DHTKD1: variants seen among roughly 807,000 people sequenced by gnomAD.
The protein encoded by DHTKD1 is 2-oxoadipate dehydrogenase complex component E1.
Under a neutral mutation model 101.8 loss-of-function variants are expected in DHTKD1, and 78 were observed. The ratio of observed to expected loss-of-function variants is 0.77; its 90% CI spans 0.64 to 0.93. The LOEUF (loss-of-function observed/expected upper bound fraction) is 0.93, where lower values mean the gene tolerates loss of function less well. Among genes scored for constraint, DHTKD1 ranks in the 40% least tolerant of loss-of-function variants. The pLI is 0.00. For synonymous variants in DHTKD1, 462 were observed against 450.3 expected (o/e 1.03, Z -0.33); for missense variants, 1,223 against 1,161.7 (o/e 1.05, Z -0.77).
At chr10:12,091,746 C>A in intron 6 of DHTKD1, 62 bp downstream of exon 6, 1 of 1,419,770 alleles carries the variant, frequency 7.0e-7, no homozygotes, top group Non-Finnish European at 9.9e-7. Context: ...AGGGAAACCT[C>A]TGGTGCACAC....
At position 12,100,254 on chromosome 10, in the gene DHTKD1, T is replaced by C; in HGVS notation, c.1748T>C (p.Leu583Pro). 6.8e-7 allele frequency: 1 copy of C among 1,478,870 alleles called. No homozygotes were observed. The highest frequency in any genetic ancestry group is 9.2e-7 in the Non-Finnish European group (1 of 1,086,364). 91.6% of individuals were successfully genotyped at this position (1,478,870 alleles called of 1,614,324 possible). The change falls in exon 9 of 17, where the codon CTT becomes CCT. Residue 583 changes from leucine to proline, a missense_variant. By Grantham distance (98) the Leu-to-Pro change is moderately conservative. Coordinates refer to ENST00000263035, the MANE Select transcript of DHTKD1 (RefSeq NM_018706.7). ...GAAGCTCTTGCCTTGGGTTCTTTAC[T>C]TGCTCAAGGTAAGAATTTTCTTTTT... ...TAEALALGSL[L>P]AQGFNVRLSG...
Position 12,117,304 on chromosome 10 carries a change from C to CTTTT in DHTKD1, c.2320-348_2320-345dup, listed in dbSNP as rs71382683. ...GGATTACAGGCATGAGCCACGGCAC[C>CTTTT]TTTTTTTTTTTTTTTTTTTTTTTTA... On this transcript the variant is annotated intron_variant, in intron 13 of 16. Coordinates refer to ENST00000263035, the MANE Select transcript of DHTKD1 (RefSeq NM_018706.7). Among the ~76,000 whole-genome samples, 137 of 71,572 alleles carry CTTTT rather than the reference C, an allele frequency of 1.9e-3. 1 individual carries two copies. Among genetic ancestry groups the CTTTT allele is most frequent in the African/African-American group, 6.7e-3 (129 of 19,144 alleles). The allele number at this position is 71,572 out of a possible 152,430, so 47.0% of individuals were successfully genotyped here.
At chr10:12,118,385 C>CT (rs56119960) in intron 14 of DHTKD1, among the ~76,000 whole-genome samples, 124,097 of 137,566 alleles carry the variant, frequency 0.9, 56,263 homozygotes, top group East Asian at 0.99. Flanking sequence ...ACATAATTCT[C>CT]TTTTTTTTTT....
rs545943987 is a variant in DHTKD1 at position 12,118,468 on chromosome 10, C to T, written c.2403-281C>T. 1.2e-4 allele frequency among the ~76,000 whole-genome samples: 18 copies of T among 151,558 alleles called. 1 individual carries two copies. The highest frequency in any genetic ancestry group is 6.3e-4 in the South Asian group (3 of 4,800). ...CACGATCTTGGCTCACTGCAAGCTC[C>T]GCCTCCCGGGTTCACGCCATTCTCC... is the stretch of plus-strand genomic sequence containing the variant. On this transcript the variant is annotated intron_variant, in intron 14 of 16. Coordinates refer to ENST00000263035, the MANE Select transcript of DHTKD1 (RefSeq NM_018706.7).
At chr10:12,098,021 T>G (rs1792587636) in intron 8 of DHTKD1, 25 bp downstream of exon 8, 2 of 1,576,192 alleles carry the variant, frequency 1.3e-6, no homozygotes, top group Admixed American at 1.8e-5. Context: ...AATGGCTGGT[T>G]ATTGCTTCTC....
chr10:12,096,337 G>C lies in DHTKD1; in HGVS notation c.1359-1347G>C, dbSNP rs544191768. Among the ~76,000 whole-genome samples, 16 of 152,258 alleles carry C rather than the reference G, an allele frequency of 1.1e-4. 1 individual carries two copies. The South Asian group carries it at 3.1e-3, about 30-fold the overall frequency. ...AGAAGAACTAATTGTGTTCTGTTTA[G>C]CTCTGAATTTAGCAGCTGAATGACT... On this transcript the variant is annotated intron_variant, in intron 7 of 16. Coordinates refer to ENST00000263035, the MANE Select transcript of DHTKD1 (RefSeq NM_018706.7).
chr10:12,112,164 A>G (rs1160139981), intron 12 of DHTKD1, among the ~76,000 whole-genome samples: 1 of 152,038 alleles, frequency 6.6e-6, no homozygotes, highest in Non-Finnish European at 1.5e-5. Flanking sequence ...AAATATTAAA[A>G]TTAGTCAGGT....
intron 1 of DHTKD1, 95 bp from the exon 2 acceptor site, chr10:12,081,377 G>T: frequency 2.0e-6 from 2 of 1,001,094 alleles, no homozygotes; most frequent in Non-Finnish European, 3.1e-6. Flanking sequence ...AAAGTAAGGT[G>T]TCTAGGGCTG....
In DHTKD1 at chr10:12,081,777, G is replaced by A. The variant is rs986725451; in HGVS notation, c.310+150G>A. On this transcript the variant is annotated intron_variant, in intron 2 of 16. Coordinates refer to ENST00000263035, the MANE Select transcript of DHTKD1 (RefSeq NM_018706.7). Reference sequence around the variant, plus strand: ...GGGCATGTTGAAGTACGGTCCGGGAGGAGCATTCTTGGGATTCTAGAAGTT... The same window carrying A: ...GGGCATGTTGAAGTACGGTCCGGGAAGAGCATTCTTGGGATTCTAGAAGTT... 6 of 761,928 alleles carry A rather than the reference G, an allele frequency of 7.9e-6. No homozygotes were observed. In the Admixed American group the frequency reaches 1.4e-4, roughly 18 times the overall value. The allele number at this position is 761,928 out of a possible 1,614,324, so 47.2% of individuals were successfully genotyped here. A position where few individuals can be genotyped will look rare whatever the true frequency, so the allele number is the denominator to read the frequency against.
intron 10 of DHTKD1, among the ~76,000 whole-genome samples, chr10:12,102,895 C>T (rs976376565): frequency 6.7e-6 from 1 of 149,486 alleles, no homozygotes; most frequent in African/African-American, 2.4e-5. Flanking sequence ...GCTGGGATTA[C>T]AGGCGTGAAC....
chr10:12,082,472 TGA>T (rs1832833825), intron 2 of DHTKD1, among the ~76,000 whole-genome samples: 1 of 152,198 alleles, frequency 6.6e-6, no homozygotes, highest in Non-Finnish European at 1.5e-5. Context: ...TGTGCATCAG[TGA>T]GTCATGTTTC....
rs563042838 is a variant in DHTKD1 at position 12,074,271 on chromosome 10, C to G, written c.154+5084C>G. On this transcript the variant is annotated intron_variant, in intron 1 of 16. Coordinates refer to ENST00000263035, the MANE Select transcript of DHTKD1 (RefSeq NM_018706.7). ...TTACAGCTTACCATAGCCTCAAACTCCTGGGCTCAAGTGATCCTGCCACCT... is the reference window on the plus strand; with the variant it reads ...TTACAGCTTACCATAGCCTCAAACTGCTGGGCTCAAGTGATCCTGCCACCT... Among the ~76,000 whole-genome samples, 50 of 152,266 alleles carry G rather than the reference C, an allele frequency of 3.3e-4. No individual in the cohort carries two copies. The South Asian group carries it at 0.01, about 32-fold the overall frequency.
At chr10:12,113,597 T>C (rs1833369971) in intron 13 of DHTKD1, among the ~76,000 whole-genome samples, 1 of 152,190 alleles carries the variant, frequency 6.6e-6, no homozygotes, top group South Asian at 2.1e-4. Flanking sequence ...GTTATACTAG[T>C]GCCCTCCTGA....
Position 12,121,237 on chromosome 10 carries a change from A to AC in DHTKD1, c.*349_*350insC, listed in dbSNP as rs1168522531. 8.8e-6 allele frequency: 2 copies of AC among 227,648 alleles called. No homozygotes were observed. The highest frequency in any genetic ancestry group is 2.3e-5 in the African/African-American group (1 of 44,082). The allele number at this position is 227,648 out of a possible 1,614,324, so 14.1% of individuals were successfully genotyped here. ...TGCGTTTCAAAAAAAAAAAAAAAAAAACCCATTAAAAGAGGCCTCCTTCCT... is the reference window on the plus strand; with the variant it reads ...TGCGTTTCAAAAAAAAAAAAAAAAAACACCCATTAAAAGAGGCCTCCTTCCT... On this transcript the variant is annotated 3_prime_UTR_variant, in exon 17 of 17. Transcript: ENST00000263035.
In DHTKD1 at chr10:12,108,028, T is replaced by A. The variant is rs1434997138; in HGVS notation, c.2154+13T>A. The A allele has an allele frequency of 6.3e-7, 1 of 1,588,420 alleles. No homozygotes were observed. Among genetic ancestry groups the A allele is most frequent in the South Asian group, 1.1e-5 (1 of 90,418 alleles). On this transcript the variant is annotated intron_variant, in intron 12 of 16. Coordinates refer to ENST00000263035, the MANE Select transcript of DHTKD1 (RefSeq NM_018706.7). ...GCGTTTCCTGCAGGTAAGGGTAACG[T>A]CTTCCGGAGTCAATGAATCATTTTC...
intron 1 of DHTKD1, among the ~76,000 whole-genome samples, chr10:12,078,157 G>T (rs1329703435): frequency 6.6e-6 from 1 of 152,034 alleles, no homozygotes; most frequent in Non-Finnish European, 1.5e-5. Context: ...AGTCACAGTG[G>T]CTCATGCCTG....
rs1479409251 is a variant in DHTKD1 at position 12,103,954 on chromosome 10, AT to A, written c.1897-2288del. On this transcript the variant is annotated intron_variant, in intron 10 of 16. Transcript: ENST00000263035. The surrounding 1 kb of genome is among the most constrained non-coding windows in gnomAD (Gnocchi z 4.8). ...CATCACCACTATCTAATTTTAGAAC[AT>A]TTTCATTACCCTAGAAAGCAAGCCC... Among the ~76,000 whole-genome samples, 1 of 152,076 alleles carries A rather than the reference AT, an allele frequency of 6.6e-6. No homozygotes were observed. Among genetic ancestry groups the A allele is most frequent in the African/African-American group, 2.4e-5 (1 of 41,418 alleles).
chr10:12,103,891 C>T lies in DHTKD1; in HGVS notation c.1897-2355C>T, dbSNP rs1393213681. Reference sequence around the variant, plus strand: ...ACAATTCAACCTCTCAGTGTGTACACTTGAGCAGTTTGTAGTCTATTCACA... The same window carrying T: ...ACAATTCAACCTCTCAGTGTGTACATTTGAGCAGTTTGTAGTCTATTCACA... On this transcript the variant is annotated intron_variant, in intron 10 of 16. Coordinates refer to ENST00000263035, the MANE Select transcript of DHTKD1 (RefSeq NM_018706.7). The surrounding 1 kb of genome is among the most constrained non-coding windows in gnomAD (Gnocchi z 4.8). 6.6e-6 allele frequency among the ~76,000 whole-genome samples: 1 copy of T among 152,112 alleles called. No homozygotes were observed. The highest frequency in any genetic ancestry group is 1.5e-5 in the Non-Finnish European group (1 of 68,022).
At chr10:12,091,424 A>AAAAAAAAAAAAAAAAAAAAAAAAAAT in intron 5 of DHTKD1, 89 bp from the exon 6 acceptor site, 1 of 820,486 alleles carries the variant, frequency 1.2e-6, no homozygotes, top group African/African-American at 1.7e-5. Context: ...AAAAAAAAAA[A>AAAAAAAAAAAAAAAAAAAAAAAAAAT]AAAAAAGTTA....
Sources: gnomAD v4.1 joint callset for allele counts (sites outside exome capture counted in the v4.1 genomes callset) on GRCh38, gnomAD v4.1.1 for gene constraint, Gnocchi (gnomAD v3.1) non-coding constraint, MANE v1.5 for transcripts, NCBI Gene and HGNC (gene_info 2026-07-23, HGNC 2026-07-21) for gene names.